ROBO1: variants seen among roughly 807,000 people sequenced by gnomAD.
ROBO1 encodes roundabout guidance receptor 1.
ROBO1 carries 149 observed loss-of-function variants against 195.9 expected under a neutral mutation model. The observed-to-expected ratio is 0.76, with a 90% confidence interval of 0.67 to 0.87. The LOEUF (loss-of-function observed/expected upper bound fraction) is 0.87, where lower values mean the gene tolerates loss of function less well. ROBO1 is among the 40% of genes least tolerant of loss of function. The pLI is 0.00. For synonymous variants in ROBO1, 816 were observed against 733.2 expected, an observed-to-expected ratio of 1.11 and a Z score of -1.82; for missense variants, 1,933 against 2,068.3, an observed-to-expected ratio of 0.93 and a Z score of 1.27.
chr3:78,848,195 GTTTA>G (rs558565032), intron 4 of ROBO1, among the ~76,000 whole-genome samples: 157 of 152,116 alleles, frequency 1.0e-3, no homozygotes, highest in African/African-American at 3.3e-3. Flanking sequence ...CAAAATAGAT[GTTTA>G]TTTATTTAAC....
chr3:79,598,984 C>G (rs185619792), intron 1 of ROBO1, among the ~76,000 whole-genome samples: 2 of 152,184 alleles, frequency 1.3e-5, no homozygotes, highest in Admixed American at 1.3e-4. Context: ...CTATTTACAA[C>G]CAAGGACTCT....
At chr3:79,114,236 A>G (rs753177223) in intron 3 of ROBO1, among the ~76,000 whole-genome samples, 2 of 152,190 alleles carry the variant, frequency 1.3e-5, no homozygotes, top group Non-Finnish European at 2.9e-5. Flanking sequence ...ATAAGAACAG[A>G]CTATTACAAT....
At chr3:79,156,839 A>G (rs540541783) in intron 2 of ROBO1, among the ~76,000 whole-genome samples, 1 of 151,986 alleles carries the variant, frequency 6.6e-6, no homozygotes, top group South Asian at 2.1e-4. Context: ...TAAGGAGAAT[A>G]TGAATTAGGG....
intron 4 of ROBO1, among the ~76,000 whole-genome samples, chr3:78,867,596 C>T (rs2035261755): frequency 6.6e-6 from 1 of 152,118 alleles, no homozygotes; most frequent in Admixed American, 6.5e-5. Flanking sequence ...TTTTCTTTTA[C>T]TCAGCTATTT....
At chr3:79,171,910 C>T (rs1037043481) in intron 2 of ROBO1, among the ~76,000 whole-genome samples, 1 of 152,152 alleles carries the variant, frequency 6.6e-6, no homozygotes, top group East Asian at 1.9e-4. Context: ...TAAACACACA[C>T]AAACAGCTTT....
intron 2 of ROBO1, among the ~76,000 whole-genome samples, chr3:79,317,336 C>T (rs2033780176): frequency 6.6e-6 from 1 of 152,024 alleles, no homozygotes; most frequent in African/African-American, 2.4e-5. Flanking sequence ...CCATCTGACC[C>T]TCATTTTCCT....
intron 4 of ROBO1, among the ~76,000 whole-genome samples, chr3:78,902,970 C>G (rs562500902): frequency 2.5e-3 from 374 of 152,262 alleles, no homozygotes; most frequent in Non-Finnish European, 4.3e-3. Flanking sequence ...ACCTAAGCCA[C>G]AGAAAGATGT....
At chr3:78,903,857 T>C (rs1337107898) in intron 4 of ROBO1, among the ~76,000 whole-genome samples, 1 of 152,098 alleles carries the variant, frequency 6.6e-6, no homozygotes, top group African/African-American at 2.4e-5. Context: ...TAAAATAGAA[T>C]AGACCACACT....
chr3:78,990,231 T>A (rs2077205034), intron 3 of ROBO1, among the ~76,000 whole-genome samples: 1 of 152,240 alleles, frequency 6.6e-6, no homozygotes, highest in Admixed American at 6.5e-5. Context: ...GATATGCCAT[T>A]TTGGTCATAC....
At chr3:78,622,854 G>A (rs771312075) in intron 26 of ROBO1, among the ~76,000 whole-genome samples, 12 of 152,204 alleles carry the variant, frequency 7.9e-5, no homozygotes, top group Non-Finnish European at 1.6e-4. Flanking sequence ...AAGACTCCAT[G>A]TGGAAAGAGA....
At chr3:78,912,234 C>T (rs984913576) in intron 4 of ROBO1, among the ~76,000 whole-genome samples, 8 of 151,960 alleles carry the variant, frequency 5.3e-5, no homozygotes, top group South Asian at 2.1e-4. Context: ...TGCTGTGCCA[C>T]GAGCTGCATT....
chr3:79,455,230 G>T (rs1172718625), intron 2 of ROBO1, among the ~76,000 whole-genome samples: 1 of 152,002 alleles, frequency 6.6e-6, no homozygotes, highest in African/African-American at 2.4e-5. Flanking sequence ...AGGGCCTGAA[G>T]CTAGAGTACG....
In ROBO1 at chr3:79,144,392, C is replaced by T. The variant is rs117566827; in HGVS notation, c.89-18853G>A. On this transcript the variant is annotated intron_variant, in intron 2 of 30. Coordinates refer to ENST00000464233, the MANE Select transcript of ROBO1 (RefSeq NM_002941.4). ...ACCTCTGAGAGCTCGTTCCTTTTCT[C>T]CCTCTTTTCCCCTTGCTTCCTTTTT... is the stretch of plus-strand genomic sequence containing the variant. Among the ~76,000 whole-genome samples the T allele has an allele frequency of 2.2e-3, 342 of 152,106 alleles. 2 individuals are homozygous for T. The highest frequency in any genetic ancestry group is 0.011 in the Admixed American group (175 of 15,234).
intron 2 of ROBO1, among the ~76,000 whole-genome samples, chr3:79,566,031 A>C (rs2107727872): frequency 6.6e-6 from 1 of 152,198 alleles, no homozygotes; most frequent in South Asian, 2.1e-4. Context: ...TGTTTCCTGG[A>C]TCCATTTAAC....
chr3:79,313,374 T>C (rs900621415), intron 2 of ROBO1, among the ~76,000 whole-genome samples: 1 of 152,142 alleles, frequency 6.6e-6, no homozygotes, highest in African/African-American at 2.4e-5. Flanking sequence ...TCAAAAACTT[T>C]TATCTCTACT....
chr3:79,298,262 C>T (rs1206851763), intron 2 of ROBO1, among the ~76,000 whole-genome samples: 5 of 152,028 alleles, frequency 3.3e-5, no homozygotes, highest in African/African-American at 7.2e-5. Context: ...TGGCAACATA[C>T]GAACAAAAAG....
chr3:78,909,925 T>C (rs1312654579), intron 4 of ROBO1, among the ~76,000 whole-genome samples: 1 of 151,642 alleles, frequency 6.6e-6, no homozygotes, highest in Non-Finnish European at 1.5e-5. Flanking sequence ...GATTCTAATA[T>C]CTCCAGCTAT....
intron 1 of ROBO1, among the ~76,000 whole-genome samples, chr3:79,762,477 G>A (rs1009399274): frequency 1.3e-5 from 2 of 152,134 alleles, no homozygotes; most frequent in African/African-American, 2.4e-5. Context: ...TAAATGATCA[G>A]AAAGGGAGGA....
At chr3:79,481,117 T>C (rs1186885672) in intron 2 of ROBO1, among the ~76,000 whole-genome samples, 1 of 152,148 alleles carries the variant, frequency 6.6e-6, no homozygotes, top group African/African-American at 2.4e-5. Flanking sequence ...CTACTGATGG[T>C]GAAGCCTGAA....
Sources: gnomAD v4.1 joint callset for allele counts (sites outside exome capture counted in the v4.1 genomes callset) on GRCh38, gnomAD v4.1.1 for gene constraint, MANE v1.5 for transcripts, NCBI Gene and HGNC (gene_info 2026-07-23, HGNC 2026-07-21) for gene names.